SNN: variants seen among roughly 807,000 people sequenced by gnomAD.
SNN encodes the protein stannin, also known as AG8_1.
A neutral mutation model predicts 5.3 loss-of-function variants in SNN; 5 were observed. The ratio of observed to expected loss-of-function variants is 0.94; its 90% confidence interval spans 0.49 to 1.97. The LOEUF (loss-of-function observed/expected upper bound fraction) is 1.97, where lower values mean the gene tolerates loss of function less well. Ranked by LOEUF, SNN falls within the 30% of genes most tolerant of loss-of-function variation. SNN has a pLI of 0.01. For synonymous variants in SNN, 67 were observed against 52.1 expected (o/e 1.29, Z -1.24); for missense variants, 127 against 121.6 (o/e 1.04, Z -0.21).
rs774827692 is a variant in SNN at position 11,672,221 on chromosome 16, C to T, written c.-86+3681C>T. On this transcript the variant is annotated intron_variant, in intron 1 of 1. Coordinates refer to ENST00000329565, the MANE Select transcript of SNN (RefSeq NM_003498.6). This position sits in a 1 kb window ranked among gnomAD's most constrained non-coding sequence, Gnocchi z 6.0. ...GGGGTACAGCTGTGGGCGGGACAGA[C>T]GGTGCCCTCCTTGGACTGCCTTGGA... Among the ~76,000 whole-genome samples, 3 of 152,128 alleles carry T rather than the reference C, an allele frequency of 2.0e-5. No individual in the cohort carries two copies. The highest frequency in any genetic ancestry group is 2.9e-5 in the Non-Finnish European group (2 of 68,016).
At position 11,676,321 on chromosome 16, in the gene SNN, G is replaced by A. The variant is rs8191329; in HGVS notation, c.262G>A (p.Gly88Ser). 28 of 1,611,010 alleles carry A rather than the reference G, an allele frequency of 1.7e-5. No homozygotes were observed. The highest frequency in any genetic ancestry group is 6.7e-5 in the East Asian group (3 of 44,794). Residue 88 changes from glycine (G) to serine (S), a missense_variant, in exon 2 of 2, where the codon GGC (glycine) becomes AGC (serine). Physicochemically the swap from Gly to Ser is moderately conservative, Grantham distance 56 (BLOSUM62 0). Transcript: ENST00000329565. ...GACTCCCAACGGCCCGGAAGTCCAC[G>A]GCTGAGCCAGGATGCAAGGCTCCTG... ...LMTPNGPEVH[G>S]
chr16:11,674,277 C>G (rs924366221), intron 1 of SNN, among the ~76,000 whole-genome samples: 1 of 151,476 alleles, frequency 6.6e-6, no homozygotes, highest in Non-Finnish European at 1.5e-5. Flanking sequence ...TGTCCTCATC[C>G]TCACTGACCC....
intron 1 of SNN, among the ~76,000 whole-genome samples, chr16:11,675,291 C>T (rs1235903123): frequency 8.0e-6 from 1 of 124,950 alleles, no homozygotes. Context: ...GAGACTCTTG[C>T]TCCTGTCGCC....
intron 1 of SNN, among the ~76,000 whole-genome samples, chr16:11,674,823 C>T (rs1289142143): frequency 6.6e-6 from 1 of 152,234 alleles, no homozygotes. Context: ...AGGTTAGCAT[C>T]TTGGCACCTG....
intron 1 of SNN, among the ~76,000 whole-genome samples, chr16:11,674,041 G>C (rs2050282825): frequency 6.6e-6 from 1 of 152,198 alleles, no homozygotes; most frequent in South Asian, 2.1e-4. Flanking sequence ...TGTCCTTCAG[G>C]CAAACCTGGC....
Position 11,678,908 on chromosome 16 carries a change from G to A in SNN, c.*2582G>A, listed in dbSNP as rs1302804257. The A allele has an allele frequency of 2.4e-6, 1 of 409,726 alleles. No homozygotes were observed. Among genetic ancestry groups the A allele is most frequent in the African/African-American group, 2.1e-5 (1 of 46,944 alleles). The allele number at this position is 409,726 out of a possible 1,614,324, so 25.4% of individuals were successfully genotyped here. ...CCTTCGTATCACTGCAGAAGCAACAGTGGGGGCACAGGGAGGGAACTCTTG... is the reference window on the plus strand; with the variant it reads ...CCTTCGTATCACTGCAGAAGCAACAATGGGGGCACAGGGAGGGAACTCTTG... On this transcript the variant is annotated 3_prime_UTR_variant, in exon 2 of 2. Coordinates refer to ENST00000329565, the MANE Select transcript of SNN (RefSeq NM_003498.6).
intron 1 of SNN, among the ~76,000 whole-genome samples, chr16:11,670,759 T>G (rs7194145): frequency 0.57 from 86,663 of 151,636 alleles, 25,384 homozygotes; most frequent in African/African-American, 0.68. Flanking sequence ...TCTACTGCGG[T>G]CTGTGGGCCC....
At position 11,678,833 on chromosome 16, in the gene SNN, C is replaced by T; in HGVS notation, c.*2507C>T. 1 of 242,622 alleles carries T rather than the reference C, an allele frequency of 4.1e-6. No individual in the cohort carries two copies. Among genetic ancestry groups the T allele is most frequent in the Non-Finnish European group, 8.7e-6 (1 of 114,704 alleles). The allele number at this position is 242,622 out of a possible 1,614,324, so 15.0% of individuals were successfully genotyped here. ...GACCTCTCTGGATTATTTTTGAATG[C>T]CCAACTGTTGCATTCAAGTTTTCTG... is the stretch of plus-strand genomic sequence containing the variant. On this transcript the variant is annotated 3_prime_UTR_variant, in exon 2 of 2. Coordinates refer to ENST00000329565, the MANE Select transcript of SNN (RefSeq NM_003498.6).
chr16:11,670,372 C>T lies in SNN; in HGVS notation c.-86+1832C>T, dbSNP rs144906840. The stretch of plus-strand genomic sequence containing the variant: ...AGCCCGGCAATGCTCATGATGTGCC[C>T]GGTTGAGTTAGGAGGAGGCAGCGTG... On this transcript the variant is annotated intron_variant, in intron 1 of 1. Transcript: ENST00000329565. 8.7e-3 allele frequency among the ~76,000 whole-genome samples: 1,327 copies of T among 152,184 alleles called. 25 individuals carry two copies. Among genetic ancestry groups the T allele is most frequent in the South Asian group, 0.082 (395 of 4,820 alleles).
intron 1 of SNN, among the ~76,000 whole-genome samples, chr16:11,675,046 A>G (rs1427613704): frequency 1.3e-5 from 2 of 152,018 alleles, no homozygotes; most frequent in African/African-American, 2.4e-5. Flanking sequence ...GCCTCCGTCC[A>G]AACCACACAA....
At chr16:11,675,536 G>A (rs1427511451) in intron 1 of SNN, among the ~76,000 whole-genome samples, 1 of 152,160 alleles carries the variant, frequency 6.6e-6, no homozygotes, top group Non-Finnish European at 1.5e-5. Context: ...CAAAGTGCTG[G>A]AATTACAGGC....
At position 11,676,280 on chromosome 16, in the gene SNN, G is replaced by A; in HGVS notation, c.221G>A (p.Arg74Lys). ...TCGGCCAAGGGACCGTGCGTGGAGA[G>A]AAAGGCCAAGCTGATGACTCCCAAC... ...QYSAKGPCVE[R>K]KAKLMTPNGP... The change falls in exon 2 of 2, where the codon AGA becomes AAA. Residue 74 changes from arginine (R) to lysine (K), a missense_variant. Transcript: ENST00000329565. 2 of 1,614,218 alleles carry A rather than the reference G, an allele frequency of 1.2e-6. No individual in the cohort carries two copies. Among genetic ancestry groups the A allele is most frequent in the Non-Finnish European group, 1.7e-6 (2 of 1,180,038 alleles).
chr16:11,675,867 A>G, intron 1 of SNN, 108 bp from the exon 2 acceptor site: 1 of 530,522 alleles, frequency 1.9e-6, no homozygotes, highest in South Asian at 2.6e-5. Context: ...AACGCCGGCC[A>G]GCATGCTTTT....
chr16:11,676,523 G>A lies in SNN; in HGVS notation c.*197G>A, dbSNP rs1187937855. On this transcript the variant is annotated 3_prime_UTR_variant, in exon 2 of 2. Transcript: ENST00000329565. ...TTCCCCTCGGCCTCCAGGTGAGGCT[G>A]CCCATTGCAGGCACTGGGCAGGCCT... The A allele has an allele frequency of 4.6e-6, 3 of 652,374 alleles. No homozygotes were observed. The highest frequency in any genetic ancestry group is 2.8e-5 in the East Asian group (1 of 36,076). The allele number at this position is 652,374 out of a possible 1,614,324, so 40.4% of individuals were successfully genotyped here.
In SNN at chr16:11,676,021, C is replaced by T; in HGVS notation, c.-39C>T. 1 of 1,542,730 alleles carries T rather than the reference C, an allele frequency of 6.5e-7. No individual in the cohort carries two copies. The highest frequency in any genetic ancestry group is 8.8e-7 in the Non-Finnish European group (1 of 1,142,182). ...TTCCAGCCTCACTGAGTGGCCACCC[C>T]CAAAGTGCTGCCAGCCGAGGAAGCC... is the stretch of plus-strand genomic sequence containing the variant. On this transcript the variant is annotated 5_prime_UTR_variant, in exon 2 of 2. Coordinates refer to ENST00000329565, the MANE Select transcript of SNN (RefSeq NM_003498.6).
rs1597387135 is a variant in SNN, at chr16:11,668,455, G to T, written c.-171G>T. 6.8e-6 allele frequency: 1 copy of T among 146,312 alleles called. No individual in the cohort carries two copies. The highest frequency in any genetic ancestry group is 2.0e-4 in the East Asian group (1 of 4,998). The allele number at this position is 146,312 out of a possible 1,614,324, so 9.1% of individuals were successfully genotyped here. ...CCGCAGCGCGGGGCTCCTGCGTCCC[G>T]AGTGCGCGGCGGCCGGACCGGGCGG... On this transcript the variant is annotated 5_prime_UTR_variant, in exon 1 of 2. Transcript: ENST00000329565. This position sits in a 1 kb window ranked among gnomAD's most constrained non-coding sequence, Gnocchi z 6.8.
At chr16:11,670,638 C>T (rs1411376514) in intron 1 of SNN, among the ~76,000 whole-genome samples, 2 of 152,344 alleles carry the variant, frequency 1.3e-5, no homozygotes, top group Admixed American at 6.5e-5. Flanking sequence ...GACTCGTATC[C>T]GCTTTGCGCA....
In SNN at chr16:11,672,329, T is replaced by C. The variant is rs538466884; in HGVS notation, c.-85-3646T>C. ...CAGGTAGCAAGGAGAGCAAATGAAG[T>C]AGGGCAAGGCTGTAGTGGTGGGGTG... On this transcript the variant is annotated intron_variant, in intron 1 of 1. Coordinates refer to ENST00000329565, the MANE Select transcript of SNN (RefSeq NM_003498.6). The surrounding 1 kb of genome is among the most constrained non-coding windows in gnomAD (Gnocchi z 6.0). Among the ~76,000 whole-genome samples, 9 of 152,004 alleles carry C rather than the reference T, an allele frequency of 5.9e-5. No individual in the cohort carries two copies. The East Asian group carries it at 1.4e-3, about 23-fold the overall frequency.
At position 11,678,988 on chromosome 16, in the gene SNN, G is replaced by C; in HGVS notation, c.*2662G>C. On this transcript the variant is annotated 3_prime_UTR_variant, in exon 2 of 2. Coordinates refer to ENST00000329565, the MANE Select transcript of SNN (RefSeq NM_003498.6). ...TTTTGGACAAATCTTCAAACGGACT[G>C]TGCTACTGTATTTGTCTCAAAGCTA... 1 of 612,982 alleles carries C rather than the reference G, an allele frequency of 1.6e-6. No homozygotes were observed. The allele number at this position is 612,982 out of a possible 1,614,324, so 38.0% of individuals were successfully genotyped here.
Sources: gnomAD v4.1 joint callset for allele counts (sites outside exome capture counted in the v4.1 genomes callset) on GRCh38, gnomAD v4.1.1 for gene constraint, Gnocchi (gnomAD v3.1) non-coding constraint, MANE v1.5 for transcripts, NCBI Gene and HGNC (gene_info 2026-07-23, HGNC 2026-07-21) for gene names.